The following LARGE1 variants were observed in gnomAD, a reference collection of about 807,000 sequenced individuals.
The protein encoded by LARGE1 is LARGE xylosyl- and glucuronyltransferase 1.
Under a neutral mutation model 87.6 loss-of-function variants are expected in LARGE1, and 43 were observed. The ratio of observed to expected loss-of-function variants is 0.49; its 90% CI spans 0.38 to 0.63. LARGE1 has a LOEUF of 0.63. Ranked by LOEUF, LARGE1 falls within the 30% of genes least tolerant of loss-of-function variation. The pLI, the probability that LARGE1 is intolerant of heterozygous loss-of-function variation, is 0.00. For missense variants in LARGE1, 802 were observed against 1,000.2 expected (o/e 0.80, Z 2.67); for synonymous variants, 434 against 394.6 (o/e 1.10, Z -1.18).
chr22:33,435,636 G>A (rs1484857347), intron 6 of LARGE1, among the ~76,000 whole-genome samples: 1 of 152,110 alleles, frequency 6.6e-6, no homozygotes, highest in Non-Finnish European at 1.5e-5. Context: ...AAGATGGGGA[G>A]GCAGCACCCA....
intron 9 of LARGE1, among the ~76,000 whole-genome samples, chr22:33,366,537 T>C (rs368820343): frequency 2.0e-5 from 3 of 152,362 alleles, no homozygotes; most frequent in Admixed American, 6.5e-5. Flanking sequence ...CAAACCCAAC[T>C]TGGCAATGAT....
At chr22:33,885,919 A>G (rs2146793021) in intron 1 of LARGE1, among the ~76,000 whole-genome samples, 1 of 152,252 alleles carries the variant, frequency 6.6e-6, no homozygotes, top group Non-Finnish European at 1.5e-5. Context: ...AATCCCAGCT[A>G]CTGGGGAGGC....
At chr22:33,406,352 A>G (rs2066099703) in intron 7 of LARGE1, among the ~76,000 whole-genome samples, 1 of 152,010 alleles carries the variant, frequency 6.6e-6, no homozygotes, top group Non-Finnish European at 1.5e-5. Flanking sequence ...TCCGACCCAC[A>G]AAGCTGCTCC....
intron 11 of LARGE1, among the ~76,000 whole-genome samples, chr22:33,215,739 C>T (rs5998812): frequency 0.026 from 4,021 of 152,102 alleles, 177 homozygotes; most frequent in African/African-American, 0.089. Flanking sequence ...AGTGGATCAC[C>T]TGAGGTCAGG....
intron 6 of LARGE1, among the ~76,000 whole-genome samples, chr22:33,555,162 G>GAGATGATTTAAAGCATAATCT (rs1569265380): frequency 6.6e-6 from 1 of 151,936 alleles, no homozygotes; most frequent in Admixed American, 6.6e-5. Context: ...ATAAATAATC[G>GAGATGATTTAAAGCATAATCT]AGAGATGATT....
chr22:33,424,265 T>C (rs901438059), intron 7 of LARGE1, among the ~76,000 whole-genome samples: 1 of 152,184 alleles, frequency 6.6e-6, no homozygotes, highest in South Asian at 2.1e-4. Context: ...GAACCTTCAA[T>C]TGTTGGATAA....
chr22:33,190,429 C>T (rs965895277), intron 11 of LARGE1, among the ~76,000 whole-genome samples: 3 of 152,186 alleles, frequency 2.0e-5, no homozygotes, highest in Non-Finnish European at 2.9e-5. Context: ...TGCAATATGG[C>T]GGTTCCTGCT....
chr22:33,740,186 T>C (rs756934705), intron 2 of LARGE1, among the ~76,000 whole-genome samples: 7 of 152,194 alleles, frequency 4.6e-5, no homozygotes, highest in Non-Finnish European at 7.4e-5. Flanking sequence ...CCTTGGCCTA[T>C]TCCTAGTCAT....
At chr22:33,256,766 C>G (rs5749590) in intron 11 of LARGE1, among the ~76,000 whole-genome samples, 111,928 of 152,134 alleles carry the variant, frequency 0.74, 41,444 homozygotes, top group Non-Finnish European at 0.78. Flanking sequence ...ACATATTTCT[C>G]TTCATTTTGT....
chr22:33,560,951 A>C (rs2077838647), intron 6 of LARGE1, among the ~76,000 whole-genome samples: 1 of 151,924 alleles, frequency 6.6e-6, no homozygotes, highest in Non-Finnish European at 1.5e-5. Context: ...AGTAGCTGGG[A>C]CTACAGGCGT....
chr22:33,400,502 T>C lies in LARGE1; in HGVS notation c.893-16198A>G, dbSNP rs555139517. 8.5e-5 allele frequency among the ~76,000 whole-genome samples: 13 copies of C among 152,284 alleles called. No homozygotes were observed. The East Asian group carries it at 1.9e-3, about 23-fold the overall frequency. ...CTGCTGGCCAGTTTGTTGGATGGTATGGATATTTTAAATTTTTAACAAATA... is the reference window on the plus strand; with the variant it reads ...CTGCTGGCCAGTTTGTTGGATGGTACGGATATTTTAAATTTTTAACAAATA... On this transcript the variant is annotated intron_variant, in intron 7 of 14. Transcript: ENST00000397394.
In LARGE1 at chr22:33,445,021, G is replaced by A. The variant is rs946782034; in HGVS notation, c.788-12756C>T. Among the ~76,000 whole-genome samples, 5 of 152,078 alleles carry A rather than the reference G, an allele frequency of 3.3e-5. No homozygotes were observed. The East Asian group carries it at 9.6e-4, about 29-fold the overall frequency. On this transcript the variant is annotated intron_variant, in intron 6 of 14. Transcript: ENST00000397394. ...ATTTTTGTATTTTTGGTAGAGACGC[G>A]GTTTCGCCATGTCAGTCAGGCTGGT...
At chr22:33,529,365 G>T (rs545398272) in intron 6 of LARGE1, among the ~76,000 whole-genome samples, 1 of 152,134 alleles carries the variant, frequency 6.6e-6, no homozygotes, top group Non-Finnish European at 1.5e-5. Context: ...GCTACAGCTC[G>T]AATTACCTTC....
At chr22:33,364,812 G>A (rs906524128) in intron 9 of LARGE1, among the ~76,000 whole-genome samples, 5 of 151,928 alleles carry the variant, frequency 3.3e-5, no homozygotes, top group African/African-American at 9.7e-5. Context: ...ACGTCCCACC[G>A]CAGCCACCCA....
intron 6 of LARGE1, among the ~76,000 whole-genome samples, chr22:33,552,160 C>A (rs2077542820): frequency 6.6e-6 from 1 of 152,226 alleles, no homozygotes; most frequent in Admixed American, 6.5e-5. Flanking sequence ...CATATGGTAA[C>A]AAGTAGGTGC....
In LARGE1 at chr22:33,207,625, C is replaced by T. The variant is rs1293465326; in HGVS notation, c.1731-40793G>A. Among the ~76,000 whole-genome samples, 7 of 152,294 alleles carry T rather than the reference C, an allele frequency of 4.6e-5. No individual in the cohort carries two copies. The East Asian group carries it at 1.4e-3, about 29-fold the overall frequency. On this transcript the variant is annotated intron_variant, in intron 11 of 11. Coordinates refer to the LARGE1 transcript ENST00000608642. ...GCCCATTGAAAACTCATGATCCTCA[C>T]CCACCACAGAGTGAGAGCGTCGGCG...
At chr22:33,280,357 T>C (rs1930202060) in intron 13 of LARGE1, among the ~76,000 whole-genome samples, 1 of 152,052 alleles carries the variant, frequency 6.6e-6, no homozygotes, top group Non-Finnish European at 1.5e-5. Flanking sequence ...AAATTCTCTT[T>C]ATTATTTCTC....
intron 1 of LARGE1, among the ~76,000 whole-genome samples, chr22:33,867,961 C>T (rs968356433): frequency 6.6e-6 from 1 of 152,158 alleles, no homozygotes; most frequent in Non-Finnish European, 1.5e-5. Context: ...GCCCAATTCC[C>T]TCCTCATTCA....
intron 1 of LARGE1, among the ~76,000 whole-genome samples, chr22:33,878,606 T>C (rs1369900208): frequency 6.6e-6 from 1 of 152,186 alleles, no homozygotes; most frequent in Admixed American, 6.5e-5. Context: ...ATGAACCTGA[T>C]GATGTGCCTG....
Sources: gnomAD v4.1 joint callset for allele counts (sites outside exome capture counted in the v4.1 genomes callset) on GRCh38, gnomAD v4.1.1 for gene constraint, MANE v1.5 for transcripts, NCBI Gene and HGNC (gene_info 2026-07-23, HGNC 2026-07-21) for gene names.